Variants in CTNND2 observed in about 807,000 individuals in gnomAD.
CTNND2 encodes catenin delta 2.
CTNND2 carries 22 observed loss-of-function variants against 144.4 expected under a neutral mutation model. The observed-to-expected ratio is 0.15, with a 90% confidence interval of 0.11 to 0.22. CTNND2 has a LOEUF of 0.22. Among genes scored for constraint, CTNND2 ranks in the 10% least tolerant of loss-of-function variants. The pLI, the probability that CTNND2 is intolerant of heterozygous loss-of-function variation, is 1.00. For missense variants in CTNND2, 1,353 were observed against 1,618.8 expected (o/e 0.84, Z 2.82); for synonymous variants, 751 against 695.6 (o/e 1.08, Z -1.25).
intron 3 of CTNND2, among the ~76,000 whole-genome samples, chr5:11,461,179 T>C (rs1176852437): frequency 6.6e-6 from 1 of 152,010 alleles, no homozygotes; most frequent in African/African-American, 2.4e-5. Flanking sequence ...TTTAAACTGG[T>C]GAATCTTGAG....
chr5:11,374,363 G>A (rs1190740931), intron 7 of CTNND2, among the ~76,000 whole-genome samples: 8 of 152,048 alleles, frequency 5.3e-5, no homozygotes, highest in African/African-American at 1.9e-4. Flanking sequence ...AATCTATGAA[G>A]GTTAATTTTT....
intron 2 of CTNND2, among the ~76,000 whole-genome samples, chr5:11,630,421 G>A (rs1471029636): frequency 1.3e-5 from 2 of 152,168 alleles, no homozygotes; most frequent in Admixed American, 6.5e-5. Context: ...GGGTGCAGGT[G>A]TGTTTCTATT....
chr5:11,865,845 G>T (rs1795736569), intron 1 of CTNND2, among the ~76,000 whole-genome samples: 1 of 138,524 alleles, frequency 7.2e-6, no homozygotes. Context: ...CTTTGAACAT[G>T]GAGGAAGGAG....
intron 2 of CTNND2, among the ~76,000 whole-genome samples, chr5:11,729,026 C>A (rs1787182412): frequency 6.6e-6 from 1 of 152,016 alleles, no homozygotes; most frequent in South Asian, 2.1e-4. Context: ...TCAGGACATC[C>A]CCAAAAAGCT....
At chr5:11,199,147 T>C (rs567311333) in intron 11 of CTNND2, among the ~76,000 whole-genome samples, 1 of 152,330 alleles carries the variant, frequency 6.6e-6, no homozygotes, top group African/African-American at 2.4e-5. Context: ...ATTAATGCTA[T>C]TCTAATAAAG....
chr5:11,605,620 C>T (rs932295916), intron 2 of CTNND2, among the ~76,000 whole-genome samples: 2 of 152,110 alleles, frequency 1.3e-5, no homozygotes, highest in Non-Finnish European at 1.5e-5. Flanking sequence ...GTGACCCTAT[C>T]TAGAATAATA....
At chr5:11,243,444 G>A (rs1231870710) in intron 9 of CTNND2, among the ~76,000 whole-genome samples, 1 of 152,192 alleles carries the variant, frequency 6.6e-6, no homozygotes, top group Non-Finnish European at 1.5e-5. Flanking sequence ...CCTTAGAGCA[G>A]TGGCTGGCAC....
intron 3 of CTNND2, among the ~76,000 whole-genome samples, chr5:11,546,531 T>C (rs1775249718): frequency 1.3e-5 from 2 of 152,204 alleles, no homozygotes; most frequent in South Asian, 4.1e-4. Context: ...TTAGTAACTT[T>C]GCTTGGTATC....
At chr5:11,899,626 T>G (rs1315479301) in intron 1 of CTNND2, among the ~76,000 whole-genome samples, 2 of 152,204 alleles carry the variant, frequency 1.3e-5, no homozygotes, top group Admixed American at 6.5e-5. Context: ...TAATTAGATA[T>G]GTATAAAACA....
chr5:11,407,441 C>T (rs926668705), intron 5 of CTNND2, among the ~76,000 whole-genome samples: 2 of 152,062 alleles, frequency 1.3e-5, no homozygotes, highest in African/African-American at 2.4e-5. Flanking sequence ...AACTGTATGA[C>T]CCAATAAAAT....
intron 13 of CTNND2, among the ~76,000 whole-genome samples, chr5:11,116,955 A>C (rs1343833066): frequency 6.6e-6 from 1 of 152,096 alleles, no homozygotes; most frequent in Non-Finnish European, 1.5e-5. Context: ...GCTACTCAGG[A>C]GGCTGAAGCA....
chr5:11,623,193 T>G (rs549472054), intron 2 of CTNND2, among the ~76,000 whole-genome samples: 3 of 152,072 alleles, frequency 2.0e-5, no homozygotes, highest in South Asian at 2.1e-4. Context: ...GTTCATAACT[T>G]TGCTTTATTT....
At chr5:11,810,148 T>C (rs181874801) in intron 1 of CTNND2, among the ~76,000 whole-genome samples, 7 of 151,800 alleles carry the variant, frequency 4.6e-5, no homozygotes, top group East Asian at 1.9e-4. Context: ...GCATATACTA[T>C]GCTATATTTT....
chr5:11,617,719 A>C (rs1780644356), intron 2 of CTNND2, among the ~76,000 whole-genome samples: 1 of 152,230 alleles, frequency 6.6e-6, no homozygotes, highest in South Asian at 2.1e-4. Flanking sequence ...CAGAGAAATA[A>C]ATAAGGGCAC....
At chr5:11,547,451 T>C (rs1164283834) in intron 3 of CTNND2, among the ~76,000 whole-genome samples, 1 of 152,050 alleles carries the variant, frequency 6.6e-6, no homozygotes, top group African/African-American at 2.4e-5. Flanking sequence ...AAACCAAGCA[T>C]TCTATTCATC....
intron 3 of CTNND2, among the ~76,000 whole-genome samples, chr5:11,453,265 T>C (rs974722174): frequency 8.5e-5 from 13 of 152,218 alleles, no homozygotes; most frequent in African/African-American, 2.9e-4. Flanking sequence ...AAATGTGAGA[T>C]GGTGGCACTA....
intron 18 of CTNND2, among the ~76,000 whole-genome samples, chr5:11,012,019 G>A (rs1415360062): frequency 6.6e-6 from 1 of 152,168 alleles, no homozygotes; most frequent in Non-Finnish European, 1.5e-5. Context: ...GAAATCCTCA[G>A]ATCCAAACCT....
At chr5:11,680,553 C>T (rs1784382142) in intron 2 of CTNND2, among the ~76,000 whole-genome samples, 1 of 152,128 alleles carries the variant, frequency 6.6e-6, no homozygotes, top group African/African-American at 2.4e-5. Context: ...CTTAAAACAG[C>T]ACAAGGACCT....
At chr5:11,017,915 G>T in intron 18 of CTNND2, 59 bp downstream of exon 18, 1 of 1,324,038 alleles carries the variant, frequency 7.6e-7, no homozygotes, top group Non-Finnish European at 1.1e-6. Context: ...CGTCTGTGAC[G>T]CCTCTCAGGG....
Sources: allele counts gnomAD v4.1 joint callset (sites outside exome capture counted in the v4.1 genomes callset), GRCh38; gene constraint gnomAD v4.1.1; transcripts MANE v1.5; gene names NCBI Gene and HGNC (gene_info 2026-07-23, HGNC 2026-07-21).